The following ADAR variants were observed in gnomAD, a reference collection of about 807,000 sequenced individuals.
The protein encoded by ADAR is adenosine deaminase RNA specific.
In ADAR, 41 loss-of-function variants were observed where a neutral mutation model predicts 113.2. The ratio of observed to expected loss-of-function variants is 0.36; its 90% CI spans 0.28 to 0.47. The LOEUF (loss-of-function observed/expected upper bound fraction) is 0.47, where lower values mean the gene tolerates loss of function less well. Ranked by LOEUF, ADAR falls within the 20% of genes least tolerant of loss-of-function variation. The probability of loss-of-function intolerance (pLI) is 1.00; values close to 1 mark genes in which losing one functional copy is unlikely to be tolerated. For missense variants in ADAR, 1,242 were observed against 1,540.9 expected (o/e 0.81, Z 3.25); for synonymous variants, 605 against 572.6 (o/e 1.06, Z -0.81).
At chr1:154,597,755 A>T in intron 4 of ADAR, 73 bp downstream of exon 4, 1 of 1,590,186 alleles carries the variant, frequency 6.3e-7, no homozygotes, top group Non-Finnish European at 8.6e-7. Context: ...ATCCCTGAGG[A>T]GGCAAGGAAG....
In ADAR at chr1:154,607,984, C is replaced by T; in HGVS notation, c.15+8G>A. On this transcript the variant is annotated splice_region_variant and intron_variant, in intron 1 of 14. Coordinates refer to ENST00000368474, the MANE Select transcript of ADAR (RefSeq NM_001111.5). ...CGGCGGCGAAGGTCCAAGGCCGGCC[C>T]GGCTTACCTGCCGCGGATTCATTGC... 4 of 1,609,724 alleles carry T rather than the reference C, an allele frequency of 2.5e-6. No individual in the cohort carries two copies. Among genetic ancestry groups the T allele is most frequent in the East Asian group, 2.2e-5 (1 of 44,730 alleles).
At chr1:154,611,862 G>A (rs1478203159), upstream of ADAR, among the ~76,000 whole-genome samples, 1 of 152,190 alleles carries the variant, frequency 6.6e-6, no homozygotes, top group African/African-American at 2.4e-5. Context: ...CAGAAGTCTG[G>A]CTTCCACATA....
At position 154,590,087 on chromosome 1, in the gene ADAR, C is replaced by T. The variant is rs1331657181; in HGVS notation, c.2496+97G>A. On this transcript the variant is annotated intron_variant, in intron 7 of 14. Transcript: ENST00000368474. ...TGCTCTCTCGAGGCTAAGAGTAAAG[C>T]CTAGGAATAACTCGCATGACAGCAA... 10 of 1,509,246 alleles carry T rather than the reference C, an allele frequency of 6.6e-6. 1 individual carries two copies. The highest frequency in any genetic ancestry group is 8.2e-6 in the Non-Finnish European group (9 of 1,091,874). The allele number at this position is 1,509,246 out of a possible 1,614,324, so 93.5% of individuals were successfully genotyped here. A position where few individuals can be genotyped will look rare whatever the true frequency, so the allele number is the denominator to read the frequency against.
At position 154,590,197 on chromosome 1, in the gene ADAR, G is replaced by A; in HGVS notation, c.2483C>T (p.Ala828Val). The A allele has an allele frequency of 1.9e-6, 3 of 1,611,048 alleles. No individual in the cohort carries two copies. Among genetic ancestry groups the A allele is most frequent in the East Asian group, 2.2e-5 (1 of 44,746 alleles). ...AGACGTCTTAACTGTCTTTGGCTGT[G>A]CTTCTGGGGACCTTGAGAGGAGGAG... ...TMLLLSRSPE[A>V]QPKTLPLTGS... The change falls in exon 7 of 15, where the codon GCA (alanine) becomes GTA (valine). Residue 828 changes from alanine (A) to valine (V), a missense_variant. Physicochemically the swap from Ala to Val is moderately conservative, Grantham distance 64. This residue lies in a region of ADAR where 780 missense variants were observed against 1,057.9 expected (regional missense o/e 0.74). Coordinates refer to ENST00000368474, the MANE Select transcript of ADAR (RefSeq NM_001111.5).
At chr1:154,618,832 G>A (rs560827957) in intron 1 of ADAR, among the ~76,000 whole-genome samples, 4 of 152,274 alleles carry the variant, frequency 2.6e-5, no homozygotes, top group African/African-American at 7.2e-5. Flanking sequence ...GAAGCAGGCC[G>A]GCCGTGGTGG....
intron 1 of ADAR, among the ~76,000 whole-genome samples, chr1:154,604,028 C>A (rs1286669173): frequency 1.3e-5 from 2 of 152,192 alleles, no homozygotes; most frequent in African/African-American, 4.8e-5. Flanking sequence ...TTCAATCTCA[C>A]TATGACTCTA....
At position 154,597,904 on chromosome 1, in the gene ADAR, G is replaced by T; in HGVS notation, c.1858C>A (p.Leu620Ile). The T allele has an allele frequency of 3.1e-6, 5 of 1,614,188 alleles. No individual in the cohort carries two copies. The highest frequency in any genetic ancestry group is 4.2e-6 in the Non-Finnish European group (5 of 1,180,030). Residue 620 changes from leucine to isoleucine, a missense_variant, in exon 4 of 15, where the codon CTT (leucine) becomes ATT (isoleucine). By Grantham distance (5) the Leu-to-Ile change is conservative. Transcript: ENST00000368474. The part of the protein sequence containing the change: ...FSGKSPVTTL[L>I]ECMHKLGNSC... The stretch of plus-strand genomic sequence containing the variant: ...TTCCCCAATTTGTGCATACACTCAA[G>T]CAGTGTGGTGACGGGGCTCTTCCCA...
intron 1 of ADAR, among the ~76,000 whole-genome samples, chr1:154,623,860 G>A (rs189270234): frequency 6.6e-6 from 1 of 152,072 alleles, no homozygotes; most frequent in African/African-American, 2.4e-5. Flanking sequence ...AAAATTAGCC[G>A]GGGGTAGTGA....
chr1:154,610,261 G>A (rs1425181714), upstream of ADAR, among the ~76,000 whole-genome samples: 2 of 126,006 alleles, frequency 1.6e-5, no homozygotes, highest in Non-Finnish European at 3.7e-5. Flanking sequence ...AGAAGTTCAT[G>A]GTTGCATTAT....
chr1:154,613,734 G>A (rs973804932), intron 1 of ADAR, among the ~76,000 whole-genome samples: 4 of 151,904 alleles, frequency 2.6e-5, no homozygotes, highest in African/African-American at 9.7e-5. Flanking sequence ...GAGAAACTCC[G>A]TCTTTACTAA....
At chr1:154,595,494 T>G (rs1346625111) in intron 6 of ADAR, among the ~76,000 whole-genome samples, 1 of 151,688 alleles carries the variant, frequency 6.6e-6, no homozygotes, top group Admixed American at 6.6e-5. Context: ...AACAAAAAAG[T>G]TTAAAAAGTT....
chr1:154,597,878 G>C lies in ADAR; in HGVS notation c.1884C>G (p.Asn628Lys). 1 of 1,614,188 alleles carries C rather than the reference G, an allele frequency of 6.2e-7. No homozygotes were observed. Among genetic ancestry groups the C allele is most frequent in the Non-Finnish European group, 8.5e-7 (1 of 1,180,044 alleles). Residue 628 changes from asparagine to lysine, a missense_variant, in exon 4 of 15, where the codon AAC becomes AAG. Around this residue, in one of 2 missense-constraint regions of ADAR, gnomAD observed 780 missense variants for 1,057.9 expected, o/e 0.74. Transcript: ENST00000368474. ...TGGACAGGAGACGGAATTCGCAGGA[G>C]TTCCCCAATTTGTGCATACACTCAA... ...TLLECMHKLG[N>K]SCEFRLLSKE...
At chr1:154,599,051 G>C (rs749067832) in intron 2 of ADAR, among the ~76,000 whole-genome samples, 3 of 152,196 alleles carry the variant, frequency 2.0e-5, no homozygotes, top group Non-Finnish European at 4.4e-5. Context: ...TACCTAGGGG[G>C]ATCAGGCATC....
chr1:154,627,625 C>T lies in ADAR; in HGVS notation c.-871+230G>A, dbSNP rs137881457. Among the ~76,000 whole-genome samples the T allele has an allele frequency of 7.8e-3, 1,187 of 152,354 alleles. 21 individuals are homozygous for T. The highest frequency in any genetic ancestry group is 0.027 in the African/African-American group (1,118 of 41,584). On this transcript the variant is annotated intron_variant, in intron 1 of 14. Transcript: ENST00000368471. ...CCACACTCGCGCACACACGGGCGCG[C>T]ACACACGCACAAAAGTACACCGGCC... is the stretch of plus-strand genomic sequence containing the variant.
chr1:154,624,373 T>C (rs182943677), intron 1 of ADAR, among the ~76,000 whole-genome samples: 25 of 152,160 alleles, frequency 1.6e-4, no homozygotes, highest in Non-Finnish European at 3.2e-4. Context: ...GATGGTGAAA[T>C]AGGTAGCTTC....
chr1:154,590,135 A>AGGCG (rs2101587199), intron 7 of ADAR, 49 bp downstream of exon 7: 23 of 1,204,932 alleles, frequency 1.9e-5, no homozygotes, highest in East Asian at 2.5e-5. Flanking sequence ...CTTAGGAGTT[A>AGGCG]GGAGGACCCC....
chr1:154,627,338 T>C (rs1166436150), intron 1 of ADAR, among the ~76,000 whole-genome samples: 2 of 152,186 alleles, frequency 1.3e-5, no homozygotes, highest in East Asian at 3.9e-4. Context: ...CTCCTACGCC[T>C]TCCCTGTGGA....
Position 154,593,153 on chromosome 1 carries a change from A to C in ADAR, c.2271-2744T>G, listed in dbSNP as rs1037471312. On this transcript the variant is annotated intron_variant, in intron 6 of 14. Coordinates refer to ENST00000368474, the MANE Select transcript of ADAR (RefSeq NM_001111.5). ...CCATCTCCAAAAAAAAAAAAAAAAA[A>C]AAACAGAAAAGAAGTCATAAAATTA... Among the ~76,000 whole-genome samples the C allele has an allele frequency of 2.1e-3, 319 of 151,594 alleles. 2 individuals carry two copies. The highest frequency in any genetic ancestry group is 7.3e-3 in the African/African-American group (302 of 41,338).
chr1:154,585,349 G>GA lies in ADAR; in HGVS notation c.3316-6dup. 6.2e-7 allele frequency: 1 copy of GA among 1,614,064 alleles called. No homozygotes were observed. On this transcript the variant is annotated splice_polypyrimidine_tract_variant and splice_region_variant and intron_variant, in intron 13 of 14. Coordinates refer to ENST00000368474, the MANE Select transcript of ADAR (RefSeq NM_001111.5). ...ATATATGCTGACTCTGCCAACCTAG[G>GA]AATCCCAGAAGCAACGGGAGAAAGA...
Sources: gnomAD v4.1 joint callset for allele counts (sites outside exome capture counted in the v4.1 genomes callset) on GRCh38, gnomAD v4.1.1 for gene constraint, gnomAD v4.1.1 regional missense constraint, MANE v1.5 for transcripts, NCBI Gene and HGNC (gene_info 2026-07-23, HGNC 2026-07-21) for gene names.